Variants in HOOK3 observed in about 807,000 individuals in gnomAD.
HOOK3 encodes the protein hook microtubule tethering protein 3.
HOOK3 carries 24 observed loss-of-function variants against 116.3 expected under a neutral mutation model. The observed-to-expected ratio is 0.21, with a 90% CI of 0.15 to 0.29. HOOK3 has a LOEUF of 0.29. HOOK3 is among the 10% of genes least tolerant of loss of function. The probability of loss-of-function intolerance (pLI) is 1.00; values close to 1 mark genes in which losing one functional copy is unlikely to be tolerated. For synonymous variants in HOOK3, 275 were observed against 283.0 expected (o/e 0.97, Z 0.28); for missense variants, 632 against 830.2 (o/e 0.76, Z 2.93).
At chr8:42,988,943 T>G (rs1368965680) in intron 15 of HOOK3, among the ~76,000 whole-genome samples, 1 of 152,218 alleles carries the variant, frequency 6.6e-6, no homozygotes, top group Non-Finnish European at 1.5e-5. Context: ...GACTCTAACT[T>G]AATATCCTAC....
At chr8:42,909,520 G>A (rs958941008) in intron 2 of HOOK3, among the ~76,000 whole-genome samples, 3 of 152,234 alleles carry the variant, frequency 2.0e-5, no homozygotes, top group African/African-American at 7.2e-5. Context: ...CTGGAGTGCA[G>A]TGGATTGACC....
intron 4 of HOOK3, among the ~76,000 whole-genome samples, chr8:42,942,571 AG>A (rs770118908): frequency 1.3e-5 from 2 of 152,180 alleles, no homozygotes; most frequent in Non-Finnish European, 2.9e-5. Context: ...ATCTAGTTAT[AG>A]GATGTTTAAA....
rs1809911521 is a variant in HOOK3, at chr8:43,025,198, A to AT, written c.*6701dup. On this transcript the variant is annotated 3_prime_UTR_variant, in exon 22 of 22. Coordinates refer to ENST00000307602, the MANE Select transcript of HOOK3 (RefSeq NM_032410.4). The stretch of plus-strand genomic sequence containing the variant: ...AAATGTTTTCCTATGATAGATAAAT[A>AT]TATAGATATAGATCAGGAATTACTT... The AT allele has an allele frequency of 4.9e-6, 1 of 204,664 alleles. No homozygotes were observed. The highest frequency in any genetic ancestry group is 1.9e-4 in the South Asian group (1 of 5,284). The allele number at this position is 204,664 out of a possible 1,614,324, so 12.7% of individuals were successfully genotyped here.
chr8:42,999,429 C>T (rs1170271866), intron 16 of HOOK3, among the ~76,000 whole-genome samples: 1 of 152,206 alleles, frequency 6.6e-6, no homozygotes, highest in Non-Finnish European at 1.5e-5. Context: ...TGAAACTGTG[C>T]CTCCAAATGG....
chr8:43,006,122 G>A (rs768321972), intron 17 of HOOK3, among the ~76,000 whole-genome samples: 10 of 151,520 alleles, frequency 6.6e-5, no homozygotes, highest in Middle Eastern at 3.4e-3. Context: ...CCGGGTTCAC[G>A]CCATTCTCCT....
chr8:42,956,221 G>GGTGTGTGTGTGTGT (rs1808431367), intron 6 of HOOK3, among the ~76,000 whole-genome samples: 1 of 121,418 alleles, frequency 8.2e-6, no homozygotes, highest in South Asian at 2.7e-4. Flanking sequence ...TAAGGATTAG[G>GGTGTGTGTGTGTGT]GCGTGTGTGT....
At chr8:42,940,364 C>T (rs566677284) in intron 4 of HOOK3, among the ~76,000 whole-genome samples, 210 of 152,342 alleles carry the variant, frequency 1.4e-3, no homozygotes, top group Non-Finnish European at 2.2e-3. Flanking sequence ...CGCCCGCAAT[C>T]GCAGGCACTC....
chr8:42,979,837 A>G (rs1808901545), intron 13 of HOOK3, among the ~76,000 whole-genome samples: 1 of 152,114 alleles, frequency 6.6e-6, no homozygotes, highest in Non-Finnish European at 1.5e-5. Flanking sequence ...GGAAATTATT[A>G]TATATCTTTC....
At chr8:42,975,328 ACT>A (rs893994242) in intron 13 of HOOK3, among the ~76,000 whole-genome samples, 49 of 151,562 alleles carry the variant, frequency 3.2e-4, no homozygotes, top group African/African-American at 1.2e-3. Flanking sequence ...GATTTTTAAA[ACT>A]CCCGGCCTAG....
intron 13 of HOOK3, 42 bp downstream of exon 13, chr8:42,974,236 T>C: frequency 1.4e-6 from 2 of 1,446,740 alleles, no homozygotes; most frequent in Non-Finnish European, 1.9e-6. Flanking sequence ...ATTTCTTTTT[T>C]TTTTGAGACG....
At chr8:42,924,848 C>T (rs955256159) in intron 2 of HOOK3, among the ~76,000 whole-genome samples, 6 of 151,694 alleles carry the variant, frequency 4.0e-5, no homozygotes, top group African/African-American at 1.5e-4. Flanking sequence ...TGGTGTGGGC[C>T]TATAATCCTA....
At chr8:42,944,150 C>A (rs952995262) in intron 5 of HOOK3, among the ~76,000 whole-genome samples, 25 of 152,094 alleles carry the variant, frequency 1.6e-4, no homozygotes, top group African/African-American at 6.0e-4. Flanking sequence ...TACGGTGGCT[C>A]ATGCCTGTGA....
chr8:42,897,567 A>T (rs889815663), intron 1 of HOOK3, among the ~76,000 whole-genome samples: 5 of 152,162 alleles, frequency 3.3e-5, no homozygotes, highest in Non-Finnish European at 7.4e-5. Context: ...CCGGCCCGGG[A>T]ACTGAAAGGA....
intron 4 of HOOK3, among the ~76,000 whole-genome samples, chr8:42,934,557 C>T (rs1242855381): frequency 6.6e-6 from 1 of 152,000 alleles, no homozygotes; most frequent in African/African-American, 2.4e-5. Context: ...CCCTCCCCCG[C>T]ACCAGGCCCC....
chr8:42,899,277 A>G (rs1807134087), intron 1 of HOOK3, among the ~76,000 whole-genome samples: 1 of 152,226 alleles, frequency 6.6e-6, no homozygotes, highest in Non-Finnish European at 1.5e-5. Context: ...AATCCACATT[A>G]TCAGCTGTAG....
intron 4 of HOOK3, among the ~76,000 whole-genome samples, chr8:42,938,760 G>A (rs1033782603): frequency 7.9e-5 from 12 of 151,046 alleles, no homozygotes; most frequent in African/African-American, 2.0e-4. Flanking sequence ...GGTGTTTCTC[G>A]CAGAGGGGGA....
At chr8:43,007,964 G>A in intron 18 of HOOK3, 35 bp downstream of exon 18, 2 of 1,186,062 alleles carry the variant, frequency 1.7e-6, no homozygotes, top group Non-Finnish European at 2.5e-6. Flanking sequence ...TTTTAAGTGG[G>A]CTTGCTGTAT....
chr8:42,902,532 A>G (rs900404385), intron 1 of HOOK3, among the ~76,000 whole-genome samples: 2 of 152,044 alleles, frequency 1.3e-5, no homozygotes, highest in African/African-American at 2.4e-5. Context: ...TTGACCTCCC[A>G]TAGTGCTGAG....
intron 17 of HOOK3, among the ~76,000 whole-genome samples, chr8:43,007,015 GATTTT>G (rs1809504504): frequency 8.0e-6 from 1 of 124,612 alleles, no homozygotes; most frequent in African/African-American, 3.2e-5. Context: ...TAAGTTCCTA[GATTTT>G]TTTTTTTTTT....
Sources: allele counts gnomAD v4.1 joint callset (sites outside exome capture counted in the v4.1 genomes callset), GRCh38; gene constraint gnomAD v4.1.1; transcripts MANE v1.5; gene names NCBI Gene and HGNC (gene_info 2026-07-23, HGNC 2026-07-21).